The following PLCG2 variants were observed in gnomAD, a reference collection of about 807,000 sequenced individuals.
PLCG2 encodes 1-phosphatidylinositol 4,5-bisphosphate phosphodiesterase gamma-2.
PLCG2 carries 69 observed loss-of-function variants against 175.6 expected under a neutral mutation model. The ratio of observed to expected loss-of-function variants is 0.39; its 90% confidence interval spans 0.32 to 0.48. PLCG2 has a LOEUF of 0.48. Among genes scored for constraint, PLCG2 ranks in the 20% least tolerant of loss-of-function variants. The pLI is 0.91. For missense variants in PLCG2, 1,798 were observed against 1,650.9 expected (o/e 1.09, Z -1.54); for synonymous variants, 827 against 624.0 (o/e 1.33, Z -4.85).
intron 23 of PLCG2, among the ~76,000 whole-genome samples, chr16:81,927,824 G>T (rs116356173): frequency 0.018 from 2,707 of 152,296 alleles, 71 homozygotes; most frequent in African/African-American, 0.063. Context: ...ACTGGCAGAA[G>T]AGAGGTGCAA....
chr16:81,827,813 A>G (rs576909171), intron 2 of PLCG2, among the ~76,000 whole-genome samples: 6 of 152,114 alleles, frequency 3.9e-5, no homozygotes, highest in Non-Finnish European at 8.8e-5. Context: ...TGACGCCGCC[A>G]GGCACGGTGG....
intron 1 of PLCG2, among the ~76,000 whole-genome samples, chr16:81,741,303 A>C (rs1909589252): frequency 6.6e-6 from 1 of 152,260 alleles, no homozygotes; most frequent in South Asian, 2.1e-4. Flanking sequence ...TATAGCTCAG[A>C]GAGGTAAAGT....
At chr16:81,884,910 G>T (rs1206086291) in intron 9 of PLCG2, among the ~76,000 whole-genome samples, 1 of 151,916 alleles carries the variant, frequency 6.6e-6, no homozygotes, top group Non-Finnish European at 1.5e-5. Flanking sequence ...TTGAGATAAG[G>T]TCTCACTCAC....
chr16:81,913,998 G>T (rs572912843), intron 19 of PLCG2, among the ~76,000 whole-genome samples: 2 of 152,312 alleles, frequency 1.3e-5, no homozygotes, highest in African/African-American at 4.8e-5. Context: ...TTCCCAAGAG[G>T]GTGACCTGGG....
chr16:81,778,064 C>CAAA (rs1567457925), upstream of PLCG2, among the ~76,000 whole-genome samples: 16 of 50,272 alleles, frequency 3.2e-4, 1 homozygote, highest in African/African-American at 1.6e-3. Context: ...ACAAAAAAAA[C>CAAA]CAAAAACACA....
chr16:81,948,671 G>T (rs1911247241), intron 31 of PLCG2, among the ~76,000 whole-genome samples: 1 of 152,202 alleles, frequency 6.6e-6, no homozygotes, highest in Non-Finnish European at 1.5e-5. Flanking sequence ...GGTTGGGAAA[G>T]ATTTCCTTAC....
In PLCG2 at chr16:81,958,062, G is replaced by A. The variant is rs767245300; in HGVS notation, c.*64G>A. 1.7e-5 allele frequency: 20 copies of A among 1,165,442 alleles called. No individual in the cohort carries two copies. The highest frequency in any genetic ancestry group is 9.8e-5 in the South Asian group (8 of 81,282). The allele number at this position is 1,165,442 out of a possible 1,614,324, so 72.2% of individuals were successfully genotyped here. On this transcript the variant is annotated 3_prime_UTR_variant, in exon 33 of 33. Transcript: ENST00000564138. ...CATGTGTGTTTGCATGTAGGAGAAC[G>A]TGCCCTATTCACACTCTGGGAAGAC... is the stretch of plus-strand genomic sequence containing the variant.
At chr16:81,922,236 A>G (rs371292526) in intron 21 of PLCG2, among the ~76,000 whole-genome samples, 28 of 152,326 alleles carry the variant, frequency 1.8e-4, no homozygotes, top group African/African-American at 6.3e-4. Flanking sequence ...CTTATGAAAC[A>G]TCATGCACTA....
intron 25 of PLCG2, among the ~76,000 whole-genome samples, chr16:81,933,187 G>A (rs1435765373): frequency 1.3e-5 from 2 of 152,178 alleles, no homozygotes; most frequent in Non-Finnish European, 2.9e-5. Flanking sequence ...TATATTTACT[G>A]AGATTTCATG....
intron 31 of PLCG2, 143 bp downstream of exon 31, chr16:81,946,406 C>T: frequency 1.6e-6 from 1 of 644,810 alleles, no homozygotes; most frequent in Admixed American, 2.5e-5. Context: ...ACAAGAATTC[C>T]TTTTTGCTAA....
intron 31 of PLCG2, among the ~76,000 whole-genome samples, chr16:81,950,694 C>T (rs942477817): frequency 2.6e-5 from 4 of 152,036 alleles, no homozygotes; most frequent in African/African-American, 7.2e-5. Context: ...TCAAAAGACA[C>T]AAAAAGATGG....
chr16:81,897,710 T>A (rs1908959935), intron 13 of PLCG2, among the ~76,000 whole-genome samples: 1 of 152,032 alleles, frequency 6.6e-6, no homozygotes, highest in South Asian at 2.1e-4. Flanking sequence ...CATGCCCGGC[T>A]AATTTGTGTA....
At position 81,927,210 on chromosome 16, in the gene PLCG2, A is replaced by C. The variant is rs773240710; in HGVS notation, c.2514+32A>C. ...CCCCCTCTTCGATCCTCTTACAGGA[A>C]GAAGGGATCTGCAGGTCCAGTTTTT... On this transcript the variant is annotated intron_variant, in intron 23 of 32. Transcript: ENST00000564138. The C allele has an allele frequency of 2.1e-6, 3 of 1,448,150 alleles. No homozygotes were observed. The East Asian group carries it at 6.8e-5, about 33-fold the overall frequency. 89.7% of individuals were successfully genotyped at this position (1,448,150 alleles called of 1,614,324 possible). A position where few individuals can be genotyped will look rare whatever the true frequency, so the allele number is the denominator to read the frequency against.
rs754968337 is a variant in PLCG2, at chr16:81,861,879, C to T, written c.479+2716C>T. On this transcript the variant is annotated intron_variant, in intron 5 of 32. Coordinates refer to ENST00000564138, the MANE Select transcript of PLCG2 (RefSeq NM_002661.5). ...TTCTGGCAAGTCCTGCATAGAGATCCATCTTCCCATCGGCTGGTCCAGGAC... is the reference window on the plus strand; with the variant it reads ...TTCTGGCAAGTCCTGCATAGAGATCTATCTTCCCATCGGCTGGTCCAGGAC... 2.6e-5 allele frequency among the ~76,000 whole-genome samples: 4 copies of T among 152,206 alleles called. 1 individual carries two copies. The East Asian group carries it at 7.7e-4, about 29-fold the overall frequency.
intron 2 of PLCG2, among the ~76,000 whole-genome samples, chr16:81,805,928 C>A (rs1156239360): frequency 1.3e-5 from 2 of 151,804 alleles, no homozygotes; most frequent in Middle Eastern, 3.2e-3. Context: ...GTGTGAGCCA[C>A]TGTACGCAGT....
intron 2 of PLCG2, among the ~76,000 whole-genome samples, chr16:81,836,764 C>G (rs979770370): frequency 6.6e-6 from 1 of 152,166 alleles, no homozygotes; most frequent in South Asian, 2.1e-4. Context: ...ACTTTGGAGC[C>G]TGGCCATTCA....
At chr16:81,778,949 G>C (rs1049247779), upstream of PLCG2, among the ~76,000 whole-genome samples, 2 of 152,190 alleles carry the variant, frequency 1.3e-5, no homozygotes, top group South Asian at 2.1e-4. Context: ...GCGTGAGCCC[G>C]GGCGCCCGGC....
At chr16:81,771,667 G>C (rs942898304) in intron 2 of PLCG2, among the ~76,000 whole-genome samples, 2 of 151,804 alleles carry the variant, frequency 1.3e-5, no homozygotes, top group African/African-American at 4.8e-5. Context: ...GGGTTGAATT[G>C]TGACCCCCCC....
Position 81,768,552 on chromosome 16 carries a change from GTTTTTTTTTTT to G in PLCG2, c.-48+12603_-48+12613del, listed in dbSNP as rs769292122. On this transcript the variant is annotated intron_variant, in intron 2 of 5. Coordinates refer to the PLCG2 transcript ENST00000565054. ...TCACCAGCACTCGGTGTTATCCTCA[GTTTTTTTTTTT>G]TTTTTTTTTTTTTTTTCCCGAGATG... is the stretch of plus-strand genomic sequence containing the variant. 1.8e-3 allele frequency among the ~76,000 whole-genome samples: 187 copies of G among 105,420 alleles called. 4 individuals are homozygous for G. The highest frequency in any genetic ancestry group is 0.012 in the South Asian group (39 of 3,278). 69.2% of individuals were successfully genotyped at this position (105,420 alleles called of 152,430 possible).
Sources: gnomAD v4.1 joint callset for allele counts (sites outside exome capture counted in the v4.1 genomes callset) on GRCh38, gnomAD v4.1.1 for gene constraint, MANE v1.5 for transcripts, NCBI Gene and HGNC (gene_info 2026-07-23, HGNC 2026-07-21) for gene names.